CYP20A1: variants seen among roughly 807,000 people sequenced by gnomAD.
CYP20A1 encodes the protein cytochrome P450 family 20 subfamily A member 1.
Under a neutral mutation model 61.4 loss-of-function variants are expected in CYP20A1, and 61 were observed. The observed-to-expected ratio is 0.99, with a 90% CI of 0.81 to 1.23. The LOEUF (loss-of-function observed/expected upper bound fraction) is 1.23, where lower values mean the gene tolerates loss of function less well. Ranked by LOEUF, CYP20A1 falls within the 50% of genes most tolerant of loss-of-function variation. CYP20A1 has a pLI of 0.00. For missense variants in CYP20A1, 530 were observed against 542.4 expected, an observed-to-expected ratio of 0.98 and a Z score of 0.23; for synonymous variants, 193 against 188.2, an observed-to-expected ratio of 1.03 and a Z score of -0.21.
rs1308994670 is a variant in CYP20A1, at chr2:203,303,685, A to ATCCGTCTC, written c.*6778_*6785dup. The stretch of plus-strand genomic sequence containing the variant: ...ACTCCAGTGTGGGTGACGAGCGAAA[A>ATCCGTCTC]TCCGTCTCAACCAAGAAAAAAGAAA... On this transcript the variant is annotated 3_prime_UTR_variant, in exon 13 of 13. Coordinates refer to ENST00000356079, the MANE Select transcript of CYP20A1 (RefSeq NM_177538.3). Among the ~76,000 whole-genome samples the ATCCGTCTC allele has an allele frequency of 3.3e-5, 5 of 151,838 alleles. No homozygotes were observed. The highest frequency in any genetic ancestry group is 1.3e-4 in the Admixed American group (2 of 15,230).
intron 8 of CYP20A1, among the ~76,000 whole-genome samples, chr2:203,280,737 T>G (rs559912008): frequency 1.4e-4 from 22 of 152,274 alleles, no homozygotes; most frequent in Admixed American, 1.3e-3. Context: ...TTTAGAGGAC[T>G]TCTTTATAAT....
intron 5 of CYP20A1, among the ~76,000 whole-genome samples, chr2:203,269,279 A>ATTTT (rs528970568): frequency 8.0e-6 from 1 of 125,288 alleles, no homozygotes; most frequent in African/African-American, 2.9e-5. Context: ...CCTGTCTCCA[A>ATTTT]TTTTTTTTTT....
intron 5 of CYP20A1, among the ~76,000 whole-genome samples, chr2:203,268,212 A>G (rs1191076582): frequency 6.6e-6 from 1 of 152,176 alleles, no homozygotes; most frequent in Non-Finnish European, 1.5e-5. Flanking sequence ...GATATTTCCT[A>G]CGAGCAAGGA....
chr2:203,252,980 A>G (rs1266756565), intron 4 of CYP20A1, among the ~76,000 whole-genome samples: 1 of 151,706 alleles, frequency 6.6e-6, no homozygotes, highest in Non-Finnish European at 1.5e-5. Context: ...CGTCACCTCC[A>G]GTTTCCTAGT....
chr2:203,239,217 C>T (rs1019071996), intron 1 of CYP20A1, 83 bp downstream of exon 1: 1 of 1,224,980 alleles, frequency 8.2e-7, no homozygotes, highest in Non-Finnish European at 1.2e-6. Context: ...CTGCCCGCTG[C>T]GGGCCGCAGG....
chr2:203,270,751 T>A (rs1261457490), intron 5 of CYP20A1, among the ~76,000 whole-genome samples: 1 of 145,426 alleles, frequency 6.9e-6, no homozygotes, highest in Non-Finnish European at 1.5e-5. Context: ...TTTTTTTTTT[T>A]AGGCTGCAGT....
chr2:203,293,042 C>T (rs868042157), intron 11 of CYP20A1, among the ~76,000 whole-genome samples: 18 of 151,164 alleles, frequency 1.2e-4, no homozygotes, highest in South Asian at 2.1e-4. Flanking sequence ...GGCATGGTGG[C>T]GCATGCCTGT....
chr2:203,242,246 A>G (rs1436056266), intron 1 of CYP20A1, among the ~76,000 whole-genome samples: 1 of 152,148 alleles, frequency 6.6e-6, no homozygotes, highest in East Asian at 1.9e-4. Flanking sequence ...TCAGCCTTCC[A>G]AAGATCTGGG....
rs138308604 is a variant in CYP20A1 at position 203,294,502 on chromosome 2, A to G, written c.1149-1972A>G. Among the ~76,000 whole-genome samples the G allele has an allele frequency of 8.2e-4, 125 of 152,218 alleles. No homozygotes were observed. The East Asian group carries it at 0.024, about 29-fold the overall frequency. Reference sequence around the variant, plus strand: ...GTCATTGCACCCCAGCCTGGGCAACAAGAATGAAACTCCATCTCAAAAAAA... The same window carrying G: ...GTCATTGCACCCCAGCCTGGGCAACGAGAATGAAACTCCATCTCAAAAAAA... On this transcript the variant is annotated intron_variant, in intron 11 of 12. Coordinates refer to ENST00000356079, the MANE Select transcript of CYP20A1 (RefSeq NM_177538.3).
intron 1 of CYP20A1, among the ~76,000 whole-genome samples, chr2:203,245,188 G>A (rs931964015): frequency 2.1e-5 from 3 of 139,736 alleles, no homozygotes; most frequent in Non-Finnish European, 3.1e-5. Context: ...CACCACGCCC[G>A]GCTAATTTTT....
chr2:203,298,541 A>AG lies in CYP20A1; in HGVS notation c.*1633_*1634insG, dbSNP rs1344793427. Among the ~76,000 whole-genome samples, 1 of 149,908 alleles carries AG rather than the reference A, an allele frequency of 6.7e-6. No individual in the cohort carries two copies. The highest frequency in any genetic ancestry group is 2.0e-4 in the East Asian group (1 of 5,096). ...CGTCTCTACTAAAAATACAAAAAAA[A>AG]AAAAAAAAAATTAGCCAGATGTGGT... On this transcript the variant is annotated 3_prime_UTR_variant, in exon 13 of 13. Coordinates refer to ENST00000356079, the MANE Select transcript of CYP20A1 (RefSeq NM_177538.3).
intron 9 of CYP20A1, among the ~76,000 whole-genome samples, chr2:203,286,458 C>T (rs1478319384): frequency 1.8e-5 from 1 of 55,482 alleles, no homozygotes; most frequent in Non-Finnish European, 4.6e-5. Context: ...AAATGTTCAA[C>T]TGGTAAATAG....
intron 3 of CYP20A1, among the ~76,000 whole-genome samples, chr2:203,247,152 T>A (rs1439039104): frequency 6.6e-6 from 1 of 151,984 alleles, no homozygotes; most frequent in Non-Finnish European, 1.5e-5. Flanking sequence ...TCCCAGCTAC[T>A]TGGGAAGCTG....
At chr2:203,292,120 TCA>T in intron 10 of CYP20A1, 140 bp from the exon 11 acceptor site, 1 of 501,748 alleles carries the variant, frequency 2.0e-6, no homozygotes, top group Non-Finnish European at 3.5e-6. Context: ...ACCAAAATAA[TCA>T]CTTGTGGTTT....
At chr2:203,250,896 C>G (rs1261922918) in intron 3 of CYP20A1, among the ~76,000 whole-genome samples, 1 of 151,688 alleles carries the variant, frequency 6.6e-6, no homozygotes, top group African/African-American at 2.4e-5. Flanking sequence ...AACCCCATCT[C>G]CACTAAAAAT....
intron 11 of CYP20A1, among the ~76,000 whole-genome samples, chr2:203,294,252 A>G (rs1343911864): frequency 6.6e-6 from 1 of 151,904 alleles, no homozygotes; most frequent in African/African-American, 2.4e-5. Flanking sequence ...GCCAACTATG[A>G]AAAATAATGG....
intron 1 of CYP20A1, among the ~76,000 whole-genome samples, chr2:203,241,118 G>C (rs138860230): frequency 1.3e-5 from 2 of 152,160 alleles, no homozygotes; most frequent in South Asian, 4.1e-4. Flanking sequence ...TGAAAGAGAG[G>C]CATCAAGGAA....
In CYP20A1 at chr2:203,297,984, CAA is replaced by C. The variant is rs2068880254; in HGVS notation, c.*1077_*1078del. 6.7e-6 allele frequency: 1 copy of C among 149,870 alleles called. No homozygotes were observed. The highest frequency in any genetic ancestry group is 1.5e-5 in the Non-Finnish European group (1 of 67,462). 9.3% of individuals were successfully genotyped at this position (149,870 alleles called of 1,614,324 possible). A position where few individuals can be genotyped will look rare whatever the true frequency, so the allele number is the denominator to read the frequency against. On this transcript the variant is annotated 3_prime_UTR_variant, in exon 13 of 13. Coordinates refer to ENST00000356079, the MANE Select transcript of CYP20A1 (RefSeq NM_177538.3). ...TGGGCCACAGAGCAAGACTCTGTCT[CAA>C]GAAAAACAAAAAAAAAGATAAATGG...
At position 203,296,656 on chromosome 2, in the gene CYP20A1, T is replaced by A. The variant is rs528190347; in HGVS notation, c.1238+93T>A. ...CTGTATGATTAAAGTATTATTTTTTTATTATTATTGTACTTTAAGTTCTGG... is the reference window on the plus strand; with the variant it reads ...CTGTATGATTAAAGTATTATTTTTTAATTATTATTGTACTTTAAGTTCTGG... On this transcript the variant is annotated intron_variant, in intron 12 of 12. Coordinates refer to ENST00000356079, the MANE Select transcript of CYP20A1 (RefSeq NM_177538.3). 9.2e-6 allele frequency: 13 copies of A among 1,412,018 alleles called. No homozygotes were observed. In the South Asian group the frequency reaches 1.4e-4, roughly 15 times the overall value. 87.5% of individuals were successfully genotyped at this position (1,412,018 alleles called of 1,614,324 possible).
Sources: gnomAD v4.1 joint callset for allele counts (sites outside exome capture counted in the v4.1 genomes callset) on GRCh38, gnomAD v4.1.1 for gene constraint, MANE v1.5 for transcripts, NCBI Gene and HGNC (gene_info 2026-07-23, HGNC 2026-07-21) for gene names.